Variants in MFSD1 observed in about 807,000 individuals in gnomAD.
MFSD1 encodes the protein major facilitator superfamily domain containing 1.
Under a neutral mutation model 67.1 loss-of-function variants are expected in MFSD1, and 59 were observed. The ratio of observed to expected loss-of-function variants is 0.88; its 90% confidence interval spans 0.71 to 1.09. The LOEUF is 1.09. MFSD1 is among the 50% of genes least tolerant of loss of function. MFSD1 has a pLI of 0.00. For missense variants in MFSD1, 552 were observed against 566.1 expected (o/e 0.97, Z 0.25); for synonymous variants, 213 against 200.3 (o/e 1.06, Z -0.54).
intron 2 of MFSD1, among the ~76,000 whole-genome samples, chr3:158,804,665 C>G (rs1426078591): frequency 1.3e-5 from 2 of 152,170 alleles, no homozygotes; most frequent in East Asian, 3.8e-4. Flanking sequence ...TTGCATTTCA[C>G]TCTCCCAGTG....
At chr3:158,821,543 G>T (rs976456422) in intron 9 of MFSD1, 54 bp from the exon 10 acceptor site, 24 of 1,162,736 alleles carry the variant, frequency 2.1e-5, no homozygotes, top group Non-Finnish European at 2.8e-5. Flanking sequence ...TTTATTTTTT[G>T]AAAACAGAGT....
At position 158,802,248 on chromosome 3, in the gene MFSD1, C is replaced by T; in HGVS notation, c.96C>T (p.Ala32=). Residue 32 remains alanine, a synonymous_variant, in exon 1 of 16, where the codon GCC becomes GCT. Coordinates refer to ENST00000415822, the MANE Select transcript of MFSD1 (RefSeq NM_022736.4). ...CGGCCGCCCCTGGAGCCCTGCCGGC[C>T]CTCTGCGACCCCAGTCGCCTGGCGC... The part of the protein sequence containing the change: ...GAPAAPGALP[A]LCDPSRLAHR... 6.2e-7 allele frequency: 1 copy of T among 1,611,538 alleles called. No homozygotes were observed.
At chr3:158,827,915 GGAGA>G (rs1183982037) in intron 15 of MFSD1, among the ~76,000 whole-genome samples, 1 of 82,406 alleles carries the variant, frequency 1.2e-5, no homozygotes, top group Non-Finnish European at 2.2e-5. Context: ...AGAGAGAGGG[GGAGA>G]GAGAGAGAGA....
intron 13 of MFSD1, chr3:158,824,444 C>T: frequency 6.2e-6 from 3 of 486,940 alleles, no homozygotes; most frequent in South Asian, 6.0e-5. Flanking sequence ...GTTTCATATT[C>T]TGTTTTAACT....
chr3:158,817,968 C>T (rs1166443117), intron 7 of MFSD1, among the ~76,000 whole-genome samples: 2 of 152,138 alleles, frequency 1.3e-5, no homozygotes, highest in African/African-American at 4.8e-5. Flanking sequence ...TTCAACAAGA[C>T]TATATAGGTC....
chr3:158,810,206 A>G (rs1013906436), intron 6 of MFSD1, among the ~76,000 whole-genome samples: 1 of 152,092 alleles, frequency 6.6e-6, no homozygotes, highest in African/African-American at 2.4e-5. Context: ...TGTATTTTTT[A>G]TAGAGACAAC....
chr3:158,814,060 T>C lies in MFSD1; in HGVS notation c.645T>C (p.Leu215=). The C allele has an allele frequency of 6.2e-7, 1 of 1,612,192 alleles. No homozygotes were observed. Among genetic ancestry groups the C allele is most frequent in the South Asian group, 1.1e-5 (1 of 91,028 alleles). ...GTCACACAACCCTCGGGATCACACT[T>C]ATGATTGGTGAGTGAATCCCATGTC... is the stretch of plus-strand genomic sequence containing the variant. The part of the protein sequence containing the change: ...SAGHTTLGIT[L]MIGGITCILS... The change falls in exon 7 of 16, where the codon CTT becomes CTC. Residue 215 remains leucine, a synonymous_variant. Transcript: ENST00000415822.
intron 3 of MFSD1, 22 bp from the exon 4 acceptor site, chr3:158,807,018 T>A: frequency 1.3e-6 from 2 of 1,598,098 alleles, no homozygotes; most frequent in Non-Finnish European, 1.7e-6. Flanking sequence ...TTTCTCATTC[T>A]CATTCTTTCT....
rs146429777 is a variant in MFSD1 at position 158,804,348 on chromosome 3, G to A, written c.193G>A (p.Ala65Thr). Residue 65 changes from alanine (A) to threonine (T), a missense_variant, in exon 2 of 16, where the codon GCC (alanine) becomes ACC (threonine). Physicochemically the swap from Ala to Thr is moderately conservative, Grantham distance 58. Coordinates refer to ENST00000415822, the MANE Select transcript of MFSD1 (RefSeq NM_022736.4). The stretch of plus-strand genomic sequence containing the variant: ...CTATTTTTGCTATGATAATCCTGCT[G>A]CCCTTCAGACTCAAGTTAAACGAGT... ...GSYFCYDNPA[A>T]LQTQVKRDMQ... 2.5e-6 allele frequency: 4 copies of A among 1,611,064 alleles called. No individual in the cohort carries two copies. Among genetic ancestry groups the A allele is most frequent in the Non-Finnish European group, 3.4e-6 (4 of 1,179,124 alleles).
chr3:158,814,203 T>C (rs1406213198), intron 7 of MFSD1, 136 bp downstream of exon 7: 2 of 566,624 alleles, frequency 3.5e-6, no homozygotes, highest in Non-Finnish European at 6.2e-6. Context: ...AATGAACTCT[T>C]TGACACAACT....
rs141614936 is a variant in MFSD1, at chr3:158,824,885, G to A, written c.1288+649G>A. Among the ~76,000 whole-genome samples, 107 of 152,204 alleles carry A rather than the reference G, an allele frequency of 7.0e-4. 2 individuals are homozygous for A. In the East Asian group the frequency reaches 0.02, roughly 28 times the overall value. The stretch of plus-strand genomic sequence containing the variant: ...AAAGACCATCCATACCTGAAGTGTG[G>A]TATTTGCAGATAATTGCTTATGAGT... On this transcript the variant is annotated intron_variant, in intron 13 of 15. Transcript: ENST00000415822.
At chr3:158,827,836 G>C (rs1000838022) in intron 15 of MFSD1, among the ~76,000 whole-genome samples, 1 of 151,092 alleles carries the variant, frequency 6.6e-6, no homozygotes, top group African/African-American at 2.4e-5. Context: ...GGATATTAAG[G>C]CTTGAAACGA....
chr3:158,807,352 GA>G (rs1729780141), intron 4 of MFSD1, 43 bp from the exon 5 acceptor site: 1 of 1,481,812 alleles, frequency 6.7e-7, no homozygotes, highest in Non-Finnish European at 9.4e-7. Flanking sequence ...TTAATACTTT[GA>G]ATTTACTTTT....
At chr3:158,821,491 T>C (rs988827471) in intron 9 of MFSD1, 106 bp from the exon 10 acceptor site, 98 of 718,962 alleles carry the variant, frequency 1.4e-4, no homozygotes, top group Non-Finnish European at 2.1e-4. Flanking sequence ...GAGAATAATA[T>C]CAAGAAAGAA....
At position 158,819,639 on chromosome 3, in the gene MFSD1, T is replaced by TA; in HGVS notation, c.653-10_653-9insA. On this transcript the variant is annotated splice_polypyrimidine_tract_variant and intron_variant, in intron 7 of 15. Coordinates refer to ENST00000415822, the MANE Select transcript of MFSD1 (RefSeq NM_022736.4). ...AAGTCTGTTTTTCTTTTTTTTTTTTTTTTATTTAGGGGGTATAACGTGTAT... is the reference window on the plus strand; with the variant it reads ...AAGTCTGTTTTTCTTTTTTTTTTTTTATTTATTTAGGGGGTATAACGTGTAT... 7.2e-7 allele frequency: 1 copy of TA among 1,389,706 alleles called. No homozygotes were observed. The highest frequency in any genetic ancestry group is 9.8e-7 in the Non-Finnish European group (1 of 1,016,970). The allele number at this position is 1,389,706 out of a possible 1,614,324, so 86.1% of individuals were successfully genotyped here.
chr3:158,805,050 A>C (rs1245057524), intron 2 of MFSD1, among the ~76,000 whole-genome samples: 2 of 152,160 alleles, frequency 1.3e-5, no homozygotes, highest in African/African-American at 4.8e-5. Flanking sequence ...GGTAGTATAT[A>C]GAAGTTATAG....
chr3:158,818,605 A>G (rs1356352272), intron 7 of MFSD1, among the ~76,000 whole-genome samples: 1 of 152,084 alleles, frequency 6.6e-6, no homozygotes, highest in East Asian at 1.9e-4. Flanking sequence ...TATTCCACAT[A>G]TGCATAGTAT....
At chr3:158,827,236 G>GGAAAAGTA in intron 14 of MFSD1, 44 bp from the exon 15 acceptor site, 1 of 1,260,434 alleles carries the variant, frequency 7.9e-7, no homozygotes, top group Non-Finnish European at 1.1e-6. Context: ...TTTACTTACT[G>GGAAAAGTA]ATAATACTTA....
chr3:158,826,030 T>A lies in MFSD1; in HGVS notation c.1304T>A (p.Val435Glu). The A allele has an allele frequency of 3.7e-6, 6 of 1,613,546 alleles. No homozygotes were observed. The highest frequency in any genetic ancestry group is 5.1e-6 in the Non-Finnish European group (6 of 1,179,544). Residue 435 changes from valine to glutamate, a missense_variant, in exon 14 of 16, where the codon GTG (valine) becomes GAG (glutamate). By Grantham distance (121) the Val-to-Glu change is moderately radical. Transcript: ENST00000415822. ...TCACTCCTAGTGTCACTTTTATCTG[T>A]GGTCTTACTCTATTTGGTGAATCGT... ...IACVSLSLLS[V>E]VLLYLVNRAQ...
Sources: allele counts gnomAD v4.1 joint callset (sites outside exome capture counted in the v4.1 genomes callset), GRCh38; gene constraint gnomAD v4.1.1; transcripts MANE v1.5; gene names NCBI Gene and HGNC (gene_info 2026-07-23, HGNC 2026-07-21).